LPP: variants seen among roughly 807,000 people sequenced by gnomAD.
LPP encodes LIM domain containing preferred translocation partner in lipoma, also known as lipoma-preferred partner.
Under a neutral mutation model 60.4 loss-of-function variants are expected in LPP, and 38 were observed. That is an observed-to-expected ratio of 0.63 (90% CI 0.49 to 0.83). LPP has a LOEUF of 0.83. Ranked by LOEUF, LPP falls within the 40% of genes least tolerant of loss-of-function variation. The pLI, the probability that LPP is intolerant of heterozygous loss-of-function variation, is 0.00. For synonymous variants in LPP, 328 were observed against 290.8 expected (o/e 1.13, Z -1.30); for missense variants, 902 against 783.6 (o/e 1.15, Z -1.80).
At chr3:188,734,222 A>C (rs1721686402) in intron 8 of LPP, among the ~76,000 whole-genome samples, 1 of 152,220 alleles carries the variant, frequency 6.6e-6, no homozygotes, top group Admixed American at 6.5e-5. Flanking sequence ...ATCTTTTAAA[A>C]TTTATCATAA....
At chr3:188,435,695 T>G (rs1227765558) in intron 4 of LPP, among the ~76,000 whole-genome samples, 1 of 152,204 alleles carries the variant, frequency 6.6e-6, no homozygotes, top group East Asian at 1.9e-4. Flanking sequence ...ATATTGGAAA[T>G]AATCTCTGTG....
chr3:188,375,391 T>A (rs549861042), intron 3 of LPP, among the ~76,000 whole-genome samples: 25 of 152,320 alleles, frequency 1.6e-4, no homozygotes, highest in South Asian at 1.0e-3. Flanking sequence ...CAGAGCCTGT[T>A]ATTGGTCTGT....
At position 188,456,413 on chromosome 3, in the gene LPP, GA is replaced by G. The variant is rs542158218; in HGVS notation, c.194-28178del. Among the ~76,000 whole-genome samples the G allele has an allele frequency of 1.7e-3, 253 of 152,308 alleles. 15 individuals are homozygous for G. In the South Asian group the frequency reaches 0.051, roughly 31 times the overall value. On this transcript the variant is annotated intron_variant, in intron 4 of 11. Coordinates refer to ENST00000617246, the MANE Select transcript of LPP (RefSeq NM_001375462.1). ...ATTAAGTAGATATGACTGTAACATA[GA>G]GAGCGATAACGTTATAAAAGAAACA... is the stretch of plus-strand genomic sequence containing the variant.
chr3:188,443,174 C>CA (rs1209726687), intron 4 of LPP, among the ~76,000 whole-genome samples: 2 of 151,958 alleles, frequency 1.3e-5, no homozygotes, highest in African/African-American at 4.8e-5. Flanking sequence ...ATAATACTTG[C>CA]AAAAAAGAGA....
At chr3:188,360,487 T>G (rs886146014) in intron 3 of LPP, among the ~76,000 whole-genome samples, 6 of 152,106 alleles carry the variant, frequency 3.9e-5, no homozygotes, top group African/African-American at 1.4e-4. Context: ...TTTCTTCTCA[T>G]GAAGTCCATA....
chr3:188,349,208 G>A (rs566546807), intron 3 of LPP, among the ~76,000 whole-genome samples: 2 of 152,108 alleles, frequency 1.3e-5, no homozygotes, highest in Admixed American at 6.5e-5. Context: ...AATTTAAAAA[G>A]CCTGAGTTGA....
At chr3:188,200,017 T>G (rs1165029138) in intron 1 of LPP, among the ~76,000 whole-genome samples, 3 of 152,142 alleles carry the variant, frequency 2.0e-5, no homozygotes, top group Non-Finnish European at 4.4e-5. Flanking sequence ...TGGCTTCTTA[T>G]ACTAAACTGA....
chr3:188,398,783 AG>A (rs1781558955), intron 3 of LPP, among the ~76,000 whole-genome samples: 1 of 152,330 alleles, frequency 6.6e-6, no homozygotes, highest in Non-Finnish European at 1.5e-5. Context: ...CGTTTGGAAA[AG>A]GTTTGCCTAA....
chr3:188,851,627 A>G (rs893459340), intron 9 of LPP, among the ~76,000 whole-genome samples: 3 of 152,228 alleles, frequency 2.0e-5, no homozygotes, highest in Non-Finnish European at 4.4e-5. Flanking sequence ...TTTAATATTC[A>G]TTCATTTATT....
intron 2 of LPP, among the ~76,000 whole-genome samples, chr3:188,328,261 T>G (rs541377550): frequency 6.6e-6 from 1 of 152,182 alleles, no homozygotes; most frequent in African/African-American, 2.4e-5. Context: ...AATTTTCACT[T>G]TGATTGAGTC....
chr3:188,293,755 A>G (rs1357690923), intron 2 of LPP, among the ~76,000 whole-genome samples: 1 of 152,126 alleles, frequency 6.6e-6, no homozygotes, highest in East Asian at 1.9e-4. Flanking sequence ...TGAAAACATT[A>G]TGGCAAAGTG....
chr3:188,628,751 A>G (rs992510918), intron 7 of LPP, among the ~76,000 whole-genome samples: 13 of 152,174 alleles, frequency 8.5e-5, no homozygotes, highest in African/African-American at 2.7e-4. Flanking sequence ...CAATCATTCT[A>G]TAACGCCAGC....
chr3:188,723,440 C>T (rs908898023), intron 8 of LPP, among the ~76,000 whole-genome samples: 5 of 152,062 alleles, frequency 3.3e-5, no homozygotes, highest in Non-Finnish European at 2.9e-5. Flanking sequence ...CTTCTCAAAC[C>T]ATTCAGAAAT....
intron 5 of LPP, among the ~76,000 whole-genome samples, chr3:188,501,347 G>A (rs1011534753): frequency 1.3e-5 from 2 of 152,120 alleles, no homozygotes; most frequent in Non-Finnish European, 2.9e-5. Context: ...GGATGCAGTG[G>A]CTCACACCTG....
intron 6 of LPP, among the ~76,000 whole-genome samples, chr3:188,536,329 T>G (rs996083308): frequency 7.0e-6 from 1 of 143,744 alleles, no homozygotes; most frequent in East Asian, 2.2e-4. Flanking sequence ...ATTTTTTTTT[T>G]TGCGTTTACT....
intron 5 of LPP, among the ~76,000 whole-genome samples, chr3:188,502,908 C>T (rs547065075): frequency 3.8e-4 from 58 of 152,100 alleles, no homozygotes; most frequent in African/African-American, 1.4e-3. Context: ...AGAATAGATG[C>T]TTCAAGTATC....
intron 3 of LPP, among the ~76,000 whole-genome samples, chr3:188,401,640 T>C (rs1782267435): frequency 6.6e-6 from 1 of 152,206 alleles, no homozygotes; most frequent in Admixed American, 6.5e-5. Flanking sequence ...GCCAGGCAAA[T>C]AAATTCATTC....
At chr3:188,780,175 A>C (rs1326698905) in intron 9 of LPP, among the ~76,000 whole-genome samples, 1 of 152,194 alleles carries the variant, frequency 6.6e-6, no homozygotes, top group African/African-American at 2.4e-5. Context: ...GACGAGGTAC[A>C]GAAATCAGAA....
chr3:188,284,638 C>G (rs527517523), intron 2 of LPP, among the ~76,000 whole-genome samples: 1 of 152,076 alleles, frequency 6.6e-6, no homozygotes. Flanking sequence ...TACCCACATA[C>G]GTGCATGTGT....
Sources: allele counts gnomAD v4.1 joint callset (sites outside exome capture counted in the v4.1 genomes callset), GRCh38; gene constraint gnomAD v4.1.1; transcripts MANE v1.5; gene names NCBI Gene and HGNC (gene_info 2026-07-23, HGNC 2026-07-21).